Variants in CACNA1B observed in about 807,000 individuals in gnomAD.
The protein encoded by CACNA1B is voltage-dependent N-type calcium channel subunit alpha-1B.
A neutral mutation model predicts 247.2 loss-of-function variants in CACNA1B; 70 were observed. The ratio of observed to expected loss-of-function variants is 0.28; its 90% CI spans 0.23 to 0.35. The LOEUF (loss-of-function observed/expected upper bound fraction) is 0.35. CACNA1B is among the 10% of genes least tolerant of loss of function. The pLI, the probability that CACNA1B is intolerant of heterozygous loss-of-function variation, is 1.00. For missense variants in CACNA1B, 2,367 were observed against 3,197.4 expected (o/e 0.74, Z 6.26); for synonymous variants, 1,231 against 1,294.4 (o/e 0.95, Z 1.05).
At chr9:138,056,777 C>G (rs1959514809) in intron 26 of CACNA1B, among the ~76,000 whole-genome samples, 1 of 152,066 alleles carries the variant, frequency 6.6e-6, no homozygotes, top group African/African-American at 2.4e-5. Context: ...AAACTACAGC[C>G]ATCATCATGG....
chr9:137,948,687 T>G (rs925767157), intron 6 of CACNA1B, among the ~76,000 whole-genome samples: 1 of 149,408 alleles, frequency 6.7e-6, no homozygotes, highest in Non-Finnish European at 1.5e-5. Context: ...GTGTGTGGTG[T>G]GCATGTGTGT....
At chr9:138,024,778 G>A (rs1326772554) in intron 19 of CACNA1B, among the ~76,000 whole-genome samples, 177 bp from the exon 20 acceptor site, 1 of 152,146 alleles carries the variant, frequency 6.6e-6, no homozygotes, top group Non-Finnish European at 1.5e-5. Context: ...GGGACTACAT[G>A]CACGTGTCAC....
At chr9:137,925,751 T>TG (rs1389925835) in intron 6 of CACNA1B, among the ~76,000 whole-genome samples, 1 of 151,978 alleles carries the variant, frequency 6.6e-6, no homozygotes, top group African/African-American at 2.4e-5. Flanking sequence ...GTAACCATTT[T>TG]TTTTTTTTTG....
chr9:137,961,410 G>GGA (rs1230243304), intron 10 of CACNA1B, among the ~76,000 whole-genome samples: 1 of 152,176 alleles, frequency 6.6e-6, no homozygotes, highest in Non-Finnish European at 1.5e-5. Flanking sequence ...ATACTATGTT[G>GGA]GATAGGAGTG....
rs576629389 is a variant in CACNA1B at position 138,089,333 on chromosome 9, A to T, written c.5095-7151A>T. ...TTTTAATTCACTGTGATCAAATGGG[A>T]TTTATTCCTGGGATGTAAGGATGGT... On this transcript the variant is annotated intron_variant, in intron 36 of 46. Coordinates refer to ENST00000371372, the MANE Select transcript of CACNA1B (RefSeq NM_000718.4). Among the ~76,000 whole-genome samples, 3 of 152,350 alleles carry T rather than the reference A, an allele frequency of 2.0e-5. No individual in the cohort carries two copies. In the East Asian group the frequency reaches 5.8e-4, roughly 29 times the overall value.
chr9:137,988,888 T>C (rs1958398897), intron 15 of CACNA1B, among the ~76,000 whole-genome samples: 1 of 152,134 alleles, frequency 6.6e-6, no homozygotes, highest in African/African-American at 2.4e-5. Flanking sequence ...AGGTCTGTAA[T>C]TCCCACAGGT....
chr9:138,080,479 A>C (rs1960490281), intron 36 of CACNA1B, among the ~76,000 whole-genome samples: 1 of 152,186 alleles, frequency 6.6e-6, no homozygotes, highest in Admixed American at 6.5e-5. Flanking sequence ...CATTAGCATG[A>C]TCACTGTTGA....
intron 25 of CACNA1B, among the ~76,000 whole-genome samples, chr9:138,053,480 A>G (rs1407898545): frequency 6.6e-6 from 1 of 152,078 alleles, no homozygotes; most frequent in Non-Finnish European, 1.5e-5. Context: ...TCAGGTTTCC[A>G]TCCCGTAGGT....
At chr9:138,048,764 C>CTGGA (rs1408173383) in intron 23 of CACNA1B, among the ~76,000 whole-genome samples, 6 of 152,204 alleles carry the variant, frequency 3.9e-5, no homozygotes, top group African/African-American at 1.4e-4. Flanking sequence ...GTCATCCAGG[C>CTGGA]TGGAGTATGG....
intron 36 of CACNA1B, 144 bp downstream of exon 36, chr9:138,078,402 G>C (rs952241410): frequency 1.3e-6 from 1 of 791,800 alleles, no homozygotes; most frequent in Non-Finnish European, 2.0e-6. Context: ...TGTTTCCCCA[G>C]AGATGGCGAC....
In CACNA1B at chr9:137,896,981, T is replaced by C. The variant is rs1483278283; in HGVS notation, c.530+14098T>C. 3.9e-5 allele frequency among the ~76,000 whole-genome samples: 6 copies of C among 152,228 alleles called. No individual in the cohort carries two copies. The East Asian group carries it at 7.7e-4, about 20-fold the overall frequency. On this transcript the variant is annotated intron_variant, in intron 3 of 46. Transcript: ENST00000371372. The stretch of plus-strand genomic sequence containing the variant: ...TTGTAATAGCTCGTTTCATTTCTTA[T>C]ATTAGTAATTTTTGTCTTCTCTTTT...
Position 137,974,955 on chromosome 9 carries a change from G to A in CACNA1B, c.1544-952G>A, listed in dbSNP as rs1337641572. ...CCAATCCCTGCCCAACCCTTTGGGA[G>A]GAGAGTCAGAGACAGTGGCCTCACC... is the stretch of plus-strand genomic sequence containing the variant. On this transcript the variant is annotated intron_variant, in intron 11 of 46. Coordinates refer to ENST00000371372, the MANE Select transcript of CACNA1B (RefSeq NM_000718.4). The surrounding 1 kb of genome is among the most constrained non-coding windows in gnomAD (Gnocchi z 4.5). Among the ~76,000 whole-genome samples the A allele has an allele frequency of 1.3e-5, 2 of 152,234 alleles. No individual in the cohort carries two copies. The highest frequency in any genetic ancestry group is 4.8e-5 in the African/African-American group (2 of 41,470).
chr9:138,016,455 G>A (rs1589070406), intron 18 of CACNA1B, among the ~76,000 whole-genome samples: 1 of 152,268 alleles, frequency 6.6e-6, no homozygotes, highest in African/African-American at 2.4e-5. Flanking sequence ...TTGGCGTGTG[G>A]CTTGATTTGC....
intron 16 of CACNA1B, among the ~76,000 whole-genome samples, 162 bp from the exon 17 acceptor site, chr9:138,009,848 G>C (rs1030700074): frequency 2.6e-5 from 4 of 152,148 alleles, no homozygotes; most frequent in African/African-American, 9.7e-5. Context: ...GGAGGGCCTA[G>C]TGGCTGGGCT....
At chr9:138,078,082 TG>T in intron 35 of CACNA1B, 31 bp from the exon 36 acceptor site, 1 of 1,608,988 alleles carries the variant, frequency 6.2e-7, no homozygotes, top group Non-Finnish European at 8.5e-7. Context: ...CAAGGGCCTC[TG>T]TGGGCCTCAC....
At position 137,881,022 on chromosome 9, in the gene CACNA1B, G is replaced by A. The variant is rs953283909; in HGVS notation, c.391-1722G>A. ...TCAGCCATGGGCTGGGCAGGGCAGA[G>A]CTGTGAGGAGAGGGCTCGGGCTGGG... On this transcript the variant is annotated intron_variant, in intron 2 of 46. Transcript: ENST00000371372. The surrounding 1 kb of genome is among the most constrained non-coding windows in gnomAD (Gnocchi z 4.3). Among the ~76,000 whole-genome samples the A allele has an allele frequency of 2.2e-4, 34 of 152,378 alleles. No homozygotes were observed. Among genetic ancestry groups the A allele is most frequent in the African/African-American group, 7.9e-4 (33 of 41,598 alleles).
chr9:138,007,658 G>T lies in CACNA1B; in HGVS notation c.2092+774G>T, dbSNP rs1958669877. On this transcript the variant is annotated intron_variant, in intron 16 of 46. Transcript: ENST00000371372. The surrounding 1 kb of genome is among the most constrained non-coding windows in gnomAD (Gnocchi z 4.1). Reference sequence around the variant, plus strand: ...CCAGGGTGTCAGAGGCAGTGGGGCTGGGCTGGGGCCTGAGAATGTGCATTC... The same window carrying T: ...CCAGGGTGTCAGAGGCAGTGGGGCTTGGCTGGGGCCTGAGAATGTGCATTC... 6.6e-6 allele frequency among the ~76,000 whole-genome samples: 1 copy of T among 152,184 alleles called. No individual in the cohort carries two copies.
At chr9:138,003,278 T>C (rs1589060883) in intron 15 of CACNA1B, among the ~76,000 whole-genome samples, 1 of 151,502 alleles carries the variant, frequency 6.6e-6, no homozygotes, top group Non-Finnish European at 1.5e-5. Flanking sequence ...GCTCAAGTGA[T>C]CCTCCTGCCT....
rs1010110838 is a variant in CACNA1B, at chr9:138,073,459, G to A, written c.4675-29G>A. 9 of 1,430,008 alleles carry A rather than the reference G, an allele frequency of 6.3e-6. No homozygotes were observed. The East Asian group carries it at 1.6e-4, about 25-fold the overall frequency. The allele number at this position is 1,430,008 out of a possible 1,614,324, so 88.6% of individuals were successfully genotyped here. On this transcript the variant is annotated intron_variant, in intron 32 of 46. Transcript: ENST00000371372. The surrounding 1 kb of genome is among the most constrained non-coding windows in gnomAD (Gnocchi z 6.4). Reference sequence around the variant, plus strand: ...TGCCTGCGCTTTCGGGGCTTCTGAAGGTCAGAGAACAATTCCTCTTCTCTG... The same window carrying A: ...TGCCTGCGCTTTCGGGGCTTCTGAAAGTCAGAGAACAATTCCTCTTCTCTG...
Sources: gnomAD v4.1 joint callset for allele counts (sites outside exome capture counted in the v4.1 genomes callset) on GRCh38, gnomAD v4.1.1 for gene constraint, Gnocchi (gnomAD v3.1) non-coding constraint, MANE v1.5 for transcripts, NCBI Gene and HGNC (gene_info 2026-07-23, HGNC 2026-07-21) for gene names.